OBI1: variants seen among roughly 807,000 people sequenced by gnomAD.
OBI1 encodes ORC ubiquitin ligase 1, also known as ring finger protein 219.
Under a neutral mutation model 62.4 loss-of-function variants are expected in OBI1, and 59 were observed. The observed-to-expected ratio is 0.95, with a 90% confidence interval of 0.77 to 1.17. The LOEUF (loss-of-function observed/expected upper bound fraction) is 1.17, where lower values mean the gene tolerates loss of function less well. Ranked by LOEUF, OBI1 falls within the 50% of genes most tolerant of loss-of-function variation. The pLI, the probability that OBI1 is intolerant of heterozygous loss-of-function variation, is 0.00. For missense variants in OBI1, 875 were observed against 830.9 expected (o/e 1.05, Z -0.65); for synonymous variants, 302 against 292.8 (o/e 1.03, Z -0.32).
chr13:78,620,461 T>C (rs1043658539), intron 5 of OBI1: 3 of 324,304 alleles, frequency 9.3e-6, no homozygotes, highest in Non-Finnish European at 1.8e-5. Flanking sequence ...ATTTTCAAAG[T>C]AGCAGTGATG....
chr13:78,619,694 T>C (rs1875447955), intron 5 of OBI1, among the ~76,000 whole-genome samples: 1 of 152,200 alleles, frequency 6.6e-6, no homozygotes, highest in South Asian at 2.1e-4. Flanking sequence ...TTATTTGCTT[T>C]CTTTCTCCCA....
At chr13:78,617,376 A>T (rs1366967033) in intron 5 of OBI1, 2 of 346,760 alleles carry the variant, frequency 5.8e-6, no homozygotes, top group South Asian at 1.5e-4. Flanking sequence ...GGTAGCAGAG[A>T]GGCAGAAATG....
At chr13:78,642,356 G>C in intron 2 of OBI1, 143 bp from the exon 3 acceptor site, 1 of 534,922 alleles carries the variant, frequency 1.9e-6, no homozygotes. Context: ...TTACATCTAG[G>C]CCTTTTCTCT....
intron 5 of OBI1, among the ~76,000 whole-genome samples, chr13:78,626,531 A>G (rs867995907): frequency 6.6e-6 from 1 of 151,724 alleles, no homozygotes. Context: ...GTCTAGGAAA[A>G]TTAGGGAGGG....
Position 78,642,220 on chromosome 13 carries a change from G to GT in OBI1, c.209-8_209-7insA. On this transcript the variant is annotated splice_polypyrimidine_tract_variant and splice_region_variant and intron_variant, in intron 2 of 5. Coordinates refer to ENST00000282003, the MANE Select transcript of OBI1 (RefSeq NM_024546.4). Reference sequence around the variant, plus strand: ...TCACTTTCACTTGTTCCTCCTGTAGGGAAAAAAAAAAAAATCCTAATTTTT... The same window carrying GT: ...TCACTTTCACTTGTTCCTCCTGTAGGTGAAAAAAAAAAAAATCCTAATTTTT... 1 of 1,513,794 alleles carries GT rather than the reference G, an allele frequency of 6.6e-7. No individual in the cohort carries two copies. The highest frequency in any genetic ancestry group is 9.0e-7 in the Non-Finnish European group (1 of 1,107,224). 93.8% of individuals were successfully genotyped at this position (1,513,794 alleles called of 1,614,324 possible).
intron 5 of OBI1, among the ~76,000 whole-genome samples, chr13:78,632,009 G>C (rs181725302): frequency 5.5e-4 from 83 of 152,226 alleles, no homozygotes; most frequent in Admixed American, 1.3e-3. Context: ...TTGGAAAATA[G>C]CATGGTATCT....
At chr13:78,630,582 T>TG (rs963381436) in intron 5 of OBI1, among the ~76,000 whole-genome samples, 1 of 152,122 alleles carries the variant, frequency 6.6e-6, no homozygotes, top group African/African-American at 2.4e-5. Flanking sequence ...TAAGGGCTTC[T>TG]GGGGCCTATA....
intron 5 of OBI1, among the ~76,000 whole-genome samples, chr13:78,634,111 A>C (rs1451431950): frequency 6.6e-6 from 1 of 151,472 alleles, no homozygotes; most frequent in Non-Finnish European, 1.5e-5. Flanking sequence ...AAAAAACAAA[A>C]AACAAACAAC....
In OBI1 at chr13:78,635,046, C is replaced by CACA. The variant is rs1455012443; in HGVS notation, c.638+61_638+63dup. ...AAGAGTCAAACAAAAAACAAACCCT[C>CACA]ACAGCAGCCTAGTCTAAAATATTGA... On this transcript the variant is annotated intron_variant, in intron 5 of 5. Coordinates refer to ENST00000282003, the MANE Select transcript of OBI1 (RefSeq NM_024546.4). The CACA allele has an allele frequency of 1.6e-5, 15 of 947,702 alleles. No individual in the cohort carries two copies. In the African/African-American group the frequency reaches 2.6e-4, roughly 16 times the overall value. The allele number at this position is 947,702 out of a possible 1,614,324, so 58.7% of individuals were successfully genotyped here.
intron 5 of OBI1, among the ~76,000 whole-genome samples, chr13:78,626,751 G>A (rs1461617333): frequency 2.6e-5 from 4 of 152,138 alleles, no homozygotes; most frequent in Non-Finnish European, 5.9e-5. Context: ...AAGTTATATA[G>A]TAAAGACCCT....
Position 78,615,197 on chromosome 13 carries a change from C to T in OBI1, c.*383G>A, listed in dbSNP as rs1300529961. On this transcript the variant is annotated 3_prime_UTR_variant, in exon 6 of 6. Transcript: ENST00000282003. ...ATCCAAGTTCTGAAGACAAGTGGGGCTTATCAACAGGCCACTGTATCTAAC... is the reference window on the plus strand; with the variant it reads ...ATCCAAGTTCTGAAGACAAGTGGGGTTTATCAACAGGCCACTGTATCTAAC... 1.3e-5 allele frequency: 2 copies of T among 159,040 alleles called. No individual in the cohort carries two copies. The highest frequency in any genetic ancestry group is 4.8e-5 in the African/African-American group (2 of 41,468). 9.9% of individuals were successfully genotyped at this position (159,040 alleles called of 1,614,324 possible). A position where few individuals can be genotyped will look rare whatever the true frequency, so the allele number is the denominator to read the frequency against.
At chr13:78,651,614 TA>T (rs201519050) in intron 1 of OBI1, among the ~76,000 whole-genome samples, 79 of 149,732 alleles carry the variant, frequency 5.3e-4, no homozygotes, top group East Asian at 3.1e-3. Context: ...CTGACAGTAA[TA>T]AAAAAAAAAT....
intron 5 of OBI1, among the ~76,000 whole-genome samples, chr13:78,630,586 G>A (rs1453872524): frequency 2.6e-5 from 4 of 152,054 alleles, no homozygotes; most frequent in Non-Finnish European, 4.4e-5. Flanking sequence ...GGCTTCTGGG[G>A]CCTATAGGTC....
intron 3 of OBI1, 151 bp from the exon 4 acceptor site, chr13:78,639,222 A>C: frequency 1.3e-6 from 1 of 741,922 alleles, no homozygotes; most frequent in Non-Finnish European, 2.0e-6. Flanking sequence ...TGCAGGGAGA[A>C]AGTCACATAC....
At chr13:78,634,442 C>T (rs1260721941) in intron 5 of OBI1, among the ~76,000 whole-genome samples, 2 of 151,914 alleles carry the variant, frequency 1.3e-5, no homozygotes, top group Non-Finnish European at 2.9e-5. Context: ...TTACAGGTGC[C>T]CAACACCACG....
chr13:78,628,520 C>T (rs923491870), intron 5 of OBI1, among the ~76,000 whole-genome samples: 6 of 152,176 alleles, frequency 3.9e-5, no homozygotes, highest in African/African-American at 1.4e-4. Flanking sequence ...AGGAAATAAA[C>T]ACAGCATGTT....
chr13:78,637,016 T>C (rs962864855), intron 4 of OBI1, among the ~76,000 whole-genome samples: 1 of 152,240 alleles, frequency 6.6e-6, no homozygotes, highest in Non-Finnish European at 1.5e-5. Context: ...ATAAAAGTTA[T>C]GAAGGGCAGA....
In OBI1 at chr13:78,616,301, G is replaced by T; in HGVS notation, c.1460C>A (p.Thr487Lys). The T allele has an allele frequency of 1.2e-6, 2 of 1,613,968 alleles. No individual in the cohort carries two copies. The highest frequency in any genetic ancestry group is 1.7e-6 in the Non-Finnish European group (2 of 1,179,918). ...TATTTCTCCAACAGAATTTGCTATC[G>T]TGTTCCCCTCTGAACTTTCAAAATC... ...NLDFESSEGN[T>K]IANSVGEISS... The change falls in exon 6 of 6, where the codon ACG becomes AAG. Residue 487 changes from threonine (T) to lysine (K), a missense_variant. By Grantham distance (78) the Thr-to-Lys change is moderately conservative. Coordinates refer to ENST00000282003, the MANE Select transcript of OBI1 (RefSeq NM_024546.4).
chr13:78,620,750 T>A (rs1380150560), intron 5 of OBI1: 2 of 417,768 alleles, frequency 4.8e-6, no homozygotes, highest in Non-Finnish European at 9.4e-6. Flanking sequence ...CTAAAGAGCA[T>A]CTCTAACAAC....
Sources: allele counts gnomAD v4.1 joint callset (sites outside exome capture counted in the v4.1 genomes callset), GRCh38; gene constraint gnomAD v4.1.1; transcripts MANE v1.5; gene names NCBI Gene and HGNC (gene_info 2026-07-23, HGNC 2026-07-21).